The following XXYLT1 variants were observed in gnomAD, a reference collection of about 807,000 sequenced individuals.
XXYLT1 encodes the protein UDP-xylose:alpha-xyloside alpha-1,3-xylosyltransferase.
Under a neutral mutation model 28.9 loss-of-function variants are expected in XXYLT1, and 20 were observed. The observed-to-expected ratio is 0.69, with a 90% CI of 0.49 to 1.00. The LOEUF (loss-of-function observed/expected upper bound fraction) is 1.00. Ranked by LOEUF, XXYLT1 falls within the 50% of genes least tolerant of loss-of-function variation. The probability of loss-of-function intolerance (pLI) is 0.00; values close to 1 mark genes in which losing one functional copy is unlikely to be tolerated. For synonymous variants in XXYLT1, 257 were observed against 253.8 expected (o/e 1.01, Z -0.12); for missense variants, 542 against 560.1 (o/e 0.97, Z 0.33).
chr3:195,103,565 G>T (rs77493173), intron 3 of XXYLT1, among the ~76,000 whole-genome samples: 4,470 of 152,338 alleles, frequency 0.029, 112 homozygotes, highest in Middle Eastern at 0.11. Context: ...TTTTAAATAG[G>T]AACATGTTCT....
In XXYLT1 at chr3:195,115,030, G is replaced by T. The variant is rs1013900655; in HGVS notation, c.785+41419C>A. Among the ~76,000 whole-genome samples, 27 of 152,218 alleles carry T rather than the reference G, an allele frequency of 1.8e-4. No homozygotes were observed. The highest frequency in any genetic ancestry group is 6.3e-4 in the African/African-American group (26 of 41,452). ...ACTCGTCAAAATCGTACCTAGCTGA[G>T]GTTGCACAGTTGGCTCCTCCCAAAC... On this transcript the variant is annotated intron_variant, in intron 3 of 3. Coordinates refer to ENST00000310380, the MANE Select transcript of XXYLT1 (RefSeq NM_152531.5). This position sits in a 1 kb window ranked among gnomAD's most constrained non-coding sequence, Gnocchi z 4.2.
intron 1 of XXYLT1, among the ~76,000 whole-genome samples, chr3:195,244,087 T>C (rs997322452): frequency 6.6e-6 from 1 of 152,200 alleles, no homozygotes; most frequent in Non-Finnish European, 1.5e-5. Flanking sequence ...GAACCATCAC[T>C]AGTTTCTAGG....
intron 2 of XXYLT1, among the ~76,000 whole-genome samples, chr3:195,199,385 G>A (rs1179925353): frequency 6.6e-6 from 1 of 152,158 alleles, no homozygotes; most frequent in African/African-American, 2.4e-5. Flanking sequence ...AGTGAGGCAG[G>A]TGGATCACAA....
chr3:195,170,898 C>A (rs1341730534), intron 2 of XXYLT1, among the ~76,000 whole-genome samples: 1 of 152,056 alleles, frequency 6.6e-6, no homozygotes, highest in East Asian at 1.9e-4. Context: ...AAAAGTAATC[C>A]AGCCATGAAA....
chr3:195,152,244 GTCTA>G (rs1720312183), intron 3 of XXYLT1: 1 of 152,582 alleles, frequency 6.6e-6, no homozygotes. Flanking sequence ...AAATACAGTT[GTCTA>G]TCTTTTAGAT....
rs950276143 is a variant in XXYLT1, at chr3:195,255,395, T to C, written c.504+15160A>G. 2.0e-4 allele frequency among the ~76,000 whole-genome samples: 30 copies of C among 152,180 alleles called. No homozygotes were observed. In the South Asian group the frequency reaches 5.8e-3, roughly 29 times the overall value. On this transcript the variant is annotated intron_variant, in intron 1 of 3. Coordinates refer to ENST00000310380, the MANE Select transcript of XXYLT1 (RefSeq NM_152531.5). This position sits in a 1 kb window ranked among gnomAD's most constrained non-coding sequence, Gnocchi z 4.5. Reference sequence around the variant, plus strand: ...CAGTCGGGCTGGGGACTCAGCTCCATCCAAGTGGGCTGAGCAGGGCCAGGC... The same window carrying C: ...CAGTCGGGCTGGGGACTCAGCTCCACCCAAGTGGGCTGAGCAGGGCCAGGC...
intron 2 of XXYLT1, among the ~76,000 whole-genome samples, chr3:195,219,330 A>G (rs1723717843): frequency 6.6e-6 from 1 of 152,278 alleles, no homozygotes; most frequent in South Asian, 2.1e-4. Flanking sequence ...GCAGTGAGTA[A>G]AAGTACAAAA....
rs1420871294 is a variant in XXYLT1, at chr3:195,115,316, C to G, written c.785+41133G>C. ...AGTGGTGGTGATTTCTGTCCAAACTCCATAATCCTCAGACCTCAACTTAGA... is the reference window on the plus strand; with the variant it reads ...AGTGGTGGTGATTTCTGTCCAAACTGCATAATCCTCAGACCTCAACTTAGA... On this transcript the variant is annotated intron_variant, in intron 3 of 3. Transcript: ENST00000310380. This position sits in a 1 kb window ranked among gnomAD's most constrained non-coding sequence, Gnocchi z 4.2. Among the ~76,000 whole-genome samples, 1 of 152,158 alleles carries G rather than the reference C, an allele frequency of 6.6e-6. No homozygotes were observed. Among genetic ancestry groups the G allele is most frequent in the Non-Finnish European group, 1.5e-5 (1 of 68,030 alleles).
At chr3:195,132,988 G>A (rs1463056755) in intron 3 of XXYLT1, among the ~76,000 whole-genome samples, 1 of 152,230 alleles carries the variant, frequency 6.6e-6, no homozygotes, top group East Asian at 1.9e-4. Flanking sequence ...AAGGGCAGAA[G>A]TAACTACATT....
chr3:195,270,480 TC>T, intron 1 of XXYLT1, 74 bp downstream of exon 1: 1 of 1,348,554 alleles, frequency 7.4e-7, no homozygotes, highest in Non-Finnish European at 9.5e-7. Flanking sequence ...CCGGATCCCC[TC>T]CGGGAGCGCA....
intron 3 of XXYLT1, among the ~76,000 whole-genome samples, chr3:195,141,271 T>G (rs1319056500): frequency 2.0e-5 from 3 of 152,184 alleles, no homozygotes; most frequent in Non-Finnish European, 4.4e-5. Flanking sequence ...CAAATTCCAG[T>G]GCAAGAATAG....
At chr3:195,165,707 C>CA (rs1196773614) in intron 2 of XXYLT1, among the ~76,000 whole-genome samples, 6 of 152,152 alleles carry the variant, frequency 3.9e-5, no homozygotes, top group African/African-American at 1.4e-4. Flanking sequence ...GGAATCCTAA[C>CA]AAAATGTCAC....
chr3:195,134,868 TGCGTGTGC>T (rs58464550), intron 3 of XXYLT1, among the ~76,000 whole-genome samples: 15 of 100,198 alleles, frequency 1.5e-4, no homozygotes, highest in East Asian at 4.5e-4. Context: ...TGTGTGTGTG[TGCGTGTGC>T]GCGCGTGCGC....
chr3:195,170,707 C>CT (rs1162438998), intron 2 of XXYLT1, among the ~76,000 whole-genome samples: 1 of 152,156 alleles, frequency 6.6e-6, no homozygotes, highest in Admixed American at 6.5e-5. Context: ...GAGACTGAGC[C>CT]TTTCCCAGAG....
At chr3:195,207,045 G>C (rs1560152055) in intron 2 of XXYLT1, among the ~76,000 whole-genome samples, 1 of 152,196 alleles carries the variant, frequency 6.6e-6, no homozygotes, top group South Asian at 2.1e-4. Flanking sequence ...ATCAGTAAGA[G>C]AGAGAAACAA....
chr3:195,221,821 C>T (rs1386934764), intron 2 of XXYLT1, among the ~76,000 whole-genome samples: 2 of 152,070 alleles, frequency 1.3e-5, no homozygotes, highest in African/African-American at 2.4e-5. Context: ...ATAAAAGCCC[C>T]GTGGATGTGG....
At chr3:195,187,095 A>G (rs1054530774) in intron 2 of XXYLT1, among the ~76,000 whole-genome samples, 2 of 150,740 alleles carry the variant, frequency 1.3e-5, no homozygotes, top group East Asian at 2.0e-4. Context: ...GGAATTAGCC[A>G]GGCGTGGTGG....
intron 2 of XXYLT1, among the ~76,000 whole-genome samples, chr3:195,205,873 G>C (rs1723049622): frequency 2.0e-5 from 3 of 151,764 alleles, no homozygotes; most frequent in Admixed American, 2.0e-4. Context: ...AAAACTAACA[G>C]ACAACAACAA....
intron 3 of XXYLT1, among the ~76,000 whole-genome samples, chr3:195,106,349 G>T (rs1034419910): frequency 1.3e-5 from 2 of 151,022 alleles, no homozygotes; most frequent in South Asian, 4.2e-4. Context: ...GTTTTTGATG[G>T]AGAGATGCTC....
Sources: gnomAD v4.1 joint callset for allele counts (sites outside exome capture counted in the v4.1 genomes callset) on GRCh38, gnomAD v4.1.1 for gene constraint, Gnocchi (gnomAD v3.1) non-coding constraint, MANE v1.5 for transcripts, NCBI Gene and HGNC (gene_info 2026-07-23, HGNC 2026-07-21) for gene names.